MIPOL1: variants seen among roughly 807,000 people sequenced by gnomAD.
MIPOL1 encodes mirror-image polydactyly 1.
A neutral mutation model predicts 60.9 loss-of-function variants in MIPOL1; 57 were observed. The ratio of observed to expected loss-of-function variants is 0.94; its 90% CI spans 0.76 to 1.17. The LOEUF is 1.17. Among genes scored for constraint, MIPOL1 ranks in the 50% most tolerant of loss-of-function variants. The probability of loss-of-function intolerance (pLI) is 0.00; values close to 1 mark genes in which losing one functional copy is unlikely to be tolerated. For missense variants in MIPOL1, 551 were observed against 511.6 expected (o/e 1.08, Z -0.74); for synonymous variants, 179 against 168.8 (o/e 1.06, Z -0.47).
chr14:37,262,631 A>G (rs1474184426), intron 3 of MIPOL1, among the ~76,000 whole-genome samples: 1 of 152,270 alleles, frequency 6.6e-6, no homozygotes, highest in South Asian at 2.1e-4. Context: ...TGCCTTTACT[A>G]TGTTCATTTT....
At chr14:37,489,125 G>C (rs1178381892) in intron 11 of MIPOL1, among the ~76,000 whole-genome samples, 2 of 152,066 alleles carry the variant, frequency 1.3e-5, no homozygotes, top group Non-Finnish European at 2.9e-5. Flanking sequence ...TTTTCACATA[G>C]TCCCATTTAT....
At chr14:37,496,914 A>G (rs1232741048) in intron 11 of MIPOL1, among the ~76,000 whole-genome samples, 2 of 151,432 alleles carry the variant, frequency 1.3e-5, no homozygotes, top group South Asian at 2.1e-4. Flanking sequence ...CTACAAGGCT[A>G]CAGTAACCAA....
At chr14:37,257,775 C>A (rs1975206910) in intron 3 of MIPOL1, among the ~76,000 whole-genome samples, 1 of 152,106 alleles carries the variant, frequency 6.6e-6, no homozygotes, top group South Asian at 2.1e-4. Context: ...GCTAAAAAGT[C>A]CCATATTTGC....
intron 11 of MIPOL1, among the ~76,000 whole-genome samples, chr14:37,496,739 C>T (rs1441607555): frequency 3.9e-5 from 6 of 151,944 alleles, no homozygotes; most frequent in South Asian, 2.1e-4. Flanking sequence ...AGGTAATTTA[C>T]AGATTCAATG....
In MIPOL1 at chr14:37,499,186, T is replaced by C. The variant is rs567515074; in HGVS notation, c.1032-722T>C. Among the ~76,000 whole-genome samples, 12 of 152,290 alleles carry C rather than the reference T, an allele frequency of 7.9e-5. No individual in the cohort carries two copies. The East Asian group carries it at 2.1e-3, about 27-fold the overall frequency. On this transcript the variant is annotated intron_variant, in intron 11 of 12. Transcript: ENST00000684589. Reference sequence around the variant, plus strand: ...TTTCAAAATAACCTCAGGTGGTAGGTGTAATGACATATCAAAGATTTGACC... The same window carrying C: ...TTTCAAAATAACCTCAGGTGGTAGGCGTAATGACATATCAAAGATTTGACC...
At chr14:37,266,530 C>G (rs958095822) in intron 3 of MIPOL1, among the ~76,000 whole-genome samples, 1 of 152,150 alleles carries the variant, frequency 6.6e-6, no homozygotes, top group Non-Finnish European at 1.5e-5. Context: ...GAAAAGCAAT[C>G]AGAAATAGTT....
At position 37,369,531 on chromosome 14, in the gene MIPOL1, G is replaced by A. The variant is rs745719719; in HGVS notation, c.843G>A (p.Glu281=). The A allele has an allele frequency of 9.9e-6, 16 of 1,612,668 alleles. No homozygotes were observed. The highest frequency in any genetic ancestry group is 3.3e-5 in the Admixed American group (2 of 59,918). The stretch of plus-strand genomic sequence containing the variant: ...CCCTGTGGCAGTGCAAACGGTTAGA[G>A]CAGGAGCTTCATCATGTGAAAGAGC... ...DAALSKCKRL[E]QELHHVKEQN... Residue 281 remains glutamate, a synonymous_variant, in exon 10 of 13, where the codon GAG becomes GAA. Transcript: ENST00000684589.
chr14:37,498,625 G>T (rs1276873033), intron 11 of MIPOL1, among the ~76,000 whole-genome samples: 1 of 151,948 alleles, frequency 6.6e-6, no homozygotes, highest in Non-Finnish European at 1.5e-5. Flanking sequence ...CATGAAAAAA[G>T]GTATTTTTTG....
chr14:37,329,186 A>G (rs1595165697), intron 9 of MIPOL1, among the ~76,000 whole-genome samples: 1 of 152,094 alleles, frequency 6.6e-6, no homozygotes, highest in East Asian at 1.9e-4. Flanking sequence ...AATAGTTTGA[A>G]TGATGTTCCT....
intron 1 of MIPOL1, among the ~76,000 whole-genome samples, chr14:37,245,527 A>T (rs1445736988): frequency 2.0e-5 from 3 of 152,042 alleles, no homozygotes; most frequent in Admixed American, 2.0e-4. Flanking sequence ...TAATATTTTG[A>T]TTTATTTTAT....
chr14:37,359,629 C>CTCTG (rs56659565), intron 9 of MIPOL1, among the ~76,000 whole-genome samples: 146,934 of 151,694 alleles, frequency 0.97, 71,237 homozygotes, highest in East Asian at 1. Context: ...TTATTTGGCT[C>CTCTG]TCTGTTATTG....
intron 1 of MIPOL1, among the ~76,000 whole-genome samples, chr14:37,200,497 A>C (rs913629892): frequency 2.0e-5 from 3 of 152,072 alleles, no homozygotes; most frequent in Non-Finnish European, 2.9e-5. Flanking sequence ...GGAAACAGAA[A>C]ATATTTGATT....
In MIPOL1 at chr14:37,494,942, T is replaced by C. The variant is rs1245478766; in HGVS notation, c.1032-4966T>C. Among the ~76,000 whole-genome samples the C allele has an allele frequency of 2.6e-5, 4 of 152,048 alleles. No individual in the cohort carries two copies. In the South Asian group the frequency reaches 6.2e-4, roughly 24 times the overall value. The stretch of plus-strand genomic sequence containing the variant: ...TGAACTTGCGGGTACAATCCAAACA[T>C]GTCCATCTGAGAGAAAAATCAAAAT... On this transcript the variant is annotated intron_variant, in intron 11 of 12. Transcript: ENST00000684589.
intron 11 of MIPOL1, among the ~76,000 whole-genome samples, chr14:37,458,439 T>C (rs2094501137): frequency 6.6e-6 from 1 of 152,156 alleles, no homozygotes; most frequent in Non-Finnish European, 1.5e-5. Context: ...TCTTAATAAA[T>C]TCAACAGAAT....
At chr14:37,490,252 G>A (rs2095028195) in intron 11 of MIPOL1, among the ~76,000 whole-genome samples, 1 of 152,148 alleles carries the variant, frequency 6.6e-6, no homozygotes, top group Non-Finnish European at 1.5e-5. Flanking sequence ...TTTACACTGT[G>A]AGAGTAAAAC....
intron 11 of MIPOL1, among the ~76,000 whole-genome samples, chr14:37,466,689 C>G (rs944345098): frequency 2.0e-5 from 3 of 152,126 alleles, no homozygotes; most frequent in South Asian, 2.1e-4. Flanking sequence ...CAGTTACAAC[C>G]AGCATTCACC....
intron 11 of MIPOL1, among the ~76,000 whole-genome samples, chr14:37,494,284 G>A (rs952132507): frequency 2.0e-5 from 3 of 152,034 alleles, no homozygotes; most frequent in Non-Finnish European, 4.4e-5. Context: ...AAGATGAAAT[G>A]GAAAAAAACT....
chr14:37,328,872 G>C lies in MIPOL1; in HGVS notation c.828+20353G>C, dbSNP rs373682220. Reference sequence around the variant, plus strand: ...CATGCTCAGTTACAGAGGGTTCAGAGAGAAGTGTCACTGGAAGTGGGGCAG... The same window carrying C: ...CATGCTCAGTTACAGAGGGTTCAGACAGAAGTGTCACTGGAAGTGGGGCAG... On this transcript the variant is annotated intron_variant, in intron 9 of 12. Coordinates refer to ENST00000684589, the MANE Select transcript of MIPOL1 (RefSeq NM_001388067.1). 2.6e-5 allele frequency among the ~76,000 whole-genome samples: 4 copies of C among 152,292 alleles called. No homozygotes were observed. In the South Asian group the frequency reaches 8.3e-4, roughly 32 times the overall value.
intron 1 of MIPOL1, among the ~76,000 whole-genome samples, chr14:37,199,284 C>A (rs913794140): frequency 1.2e-4 from 19 of 152,152 alleles, no homozygotes; most frequent in African/African-American, 4.6e-4. Context: ...TAATCATTAT[C>A]TGGACTTCCA....
Sources: gnomAD v4.1 joint callset for allele counts (sites outside exome capture counted in the v4.1 genomes callset) on GRCh38, gnomAD v4.1.1 for gene constraint, MANE v1.5 for transcripts, NCBI Gene and HGNC (gene_info 2026-07-23, HGNC 2026-07-21) for gene names.